Variants in MNAT1 observed in about 807,000 individuals in gnomAD.
MNAT1 encodes the protein MNAT1 component of CDK activating kinase, also known as CDK-activating kinase assembly factor MAT1.
Under a neutral mutation model 42.0 loss-of-function variants are expected in MNAT1, and 43 were observed. The ratio of observed to expected loss-of-function variants is 1.02; its 90% confidence interval spans 0.80 to 1.32. MNAT1 has a LOEUF of 1.32. Ranked by LOEUF, MNAT1 falls within the 40% of genes most tolerant of loss-of-function variation. The probability of loss-of-function intolerance (pLI) is 0.00; values close to 1 mark genes in which losing one functional copy is unlikely to be tolerated. For synonymous variants in MNAT1, 118 were observed against 120.0 expected (o/e 0.98, Z 0.11); for missense variants, 306 against 350.4 (o/e 0.87, Z 1.01).
At chr14:60,735,599 T>C (rs1417562104) in intron 1 of MNAT1, among the ~76,000 whole-genome samples, 6 of 152,202 alleles carry the variant, frequency 3.9e-5, no homozygotes, top group Non-Finnish European at 7.3e-5. Context: ...ATGAAGTAGA[T>C]ACTGGTATTT....
At chr14:60,770,337 T>C (rs1400264473) in intron 1 of MNAT1, among the ~76,000 whole-genome samples, 1 of 152,174 alleles carries the variant, frequency 6.6e-6, no homozygotes, top group Non-Finnish European at 1.5e-5. Context: ...TCAGTGGATA[T>C]TTGGGTTGCT....
At chr14:60,911,962 C>T (rs1168554220) in intron 7 of MNAT1, among the ~76,000 whole-genome samples, 2 of 152,076 alleles carry the variant, frequency 1.3e-5, no homozygotes. Flanking sequence ...GTCTAAGTCT[C>T]TTTCTAGGTC....
chr14:60,923,917 G>C (rs766484302), intron 7 of MNAT1, among the ~76,000 whole-genome samples: 1 of 152,166 alleles, frequency 6.6e-6, no homozygotes, highest in South Asian at 2.1e-4. Flanking sequence ...GGATGACAGA[G>C]CGAGACTGTC....
intron 7 of MNAT1, among the ~76,000 whole-genome samples, chr14:60,894,124 G>C (rs2034901810): frequency 6.6e-6 from 1 of 152,068 alleles, no homozygotes; most frequent in South Asian, 2.1e-4. Flanking sequence ...CATCAGTGTA[G>C]GACCCTAGGT....
intron 7 of MNAT1, among the ~76,000 whole-genome samples, chr14:60,937,752 T>C (rs1366575233): frequency 6.6e-6 from 1 of 152,086 alleles, no homozygotes; most frequent in Non-Finnish European, 1.5e-5. Flanking sequence ...AGTAGTTTTT[T>C]CCAATTCTGT....
At chr14:60,942,497 T>C (rs2036186788) in intron 7 of MNAT1, among the ~76,000 whole-genome samples, 1 of 151,300 alleles carries the variant, frequency 6.6e-6, no homozygotes, top group Non-Finnish European at 1.5e-5. Context: ...AAAATAGTGA[T>C]ATTCATATAG....
chr14:60,898,542 T>G (rs193291911), intron 7 of MNAT1, among the ~76,000 whole-genome samples: 1 of 152,334 alleles, frequency 6.6e-6, no homozygotes, highest in African/African-American at 2.4e-5. Flanking sequence ...CATATACCTG[T>G]TGGCATTTGT....
chr14:60,870,739 A>G (rs2034308537), intron 6 of MNAT1, among the ~76,000 whole-genome samples: 1 of 152,200 alleles, frequency 6.6e-6, no homozygotes, highest in Non-Finnish European at 1.5e-5. Context: ...TAATAGCTTT[A>G]TCAAGATATA....
intron 6 of MNAT1, among the ~76,000 whole-genome samples, chr14:60,855,831 C>T (rs2033945302): frequency 6.6e-6 from 1 of 152,078 alleles, no homozygotes; most frequent in Non-Finnish European, 1.5e-5. Context: ...TTTGATGTTA[C>T]CATTGTAATT....
At chr14:60,811,298 CTTTTTTTTT>C (rs569520885) in intron 4 of MNAT1, among the ~76,000 whole-genome samples, 1 of 80,322 alleles carries the variant, frequency 1.2e-5, no homozygotes, top group Non-Finnish European at 2.5e-5. Context: ...TCTATTCTTT[CTTTTTTTTT>C]TTTTTTTTTT....
At chr14:60,949,704 T>G (rs370835741) in intron 7 of MNAT1, among the ~76,000 whole-genome samples, 2 of 152,144 alleles carry the variant, frequency 1.3e-5, no homozygotes, top group Non-Finnish European at 2.9e-5. Flanking sequence ...GGCTAATCTA[T>G]TAAAGCATTC....
chr14:60,824,670 G>A (rs2032999408), intron 6 of MNAT1, among the ~76,000 whole-genome samples: 1 of 152,120 alleles, frequency 6.6e-6, no homozygotes, highest in Admixed American at 6.5e-5. Flanking sequence ...TTTCTCATTT[G>A]GGAAGATGAG....
At chr14:60,909,477 A>G (rs1365176404) in intron 7 of MNAT1, among the ~76,000 whole-genome samples, 1 of 152,142 alleles carries the variant, frequency 6.6e-6, no homozygotes, top group Non-Finnish European at 1.5e-5. Context: ...TAAGTCTTTA[A>G]TCCATTTTGA....
At chr14:60,957,947 C>T (rs927144854) in intron 7 of MNAT1, among the ~76,000 whole-genome samples, 4 of 152,068 alleles carry the variant, frequency 2.6e-5, no homozygotes, top group Non-Finnish European at 5.9e-5. Context: ...AAGTGATTCT[C>T]CTGCCCCAAC....
At chr14:60,908,901 G>A (rs962541151) in intron 7 of MNAT1, among the ~76,000 whole-genome samples, 16 of 152,158 alleles carry the variant, frequency 1.1e-4, no homozygotes, top group Admixed American at 2.0e-4. Context: ...TCGCCATACC[G>A]ACTTCCACAA....
chr14:60,904,175 G>A (rs4151326), intron 7 of MNAT1, among the ~76,000 whole-genome samples: 68 of 152,216 alleles, frequency 4.5e-4, no homozygotes, highest in African/African-American at 1.6e-3. Flanking sequence ...CCGACCTTAA[G>A]TTTATATGTT....
At chr14:60,871,989 T>G (rs1323222750) in intron 6 of MNAT1, among the ~76,000 whole-genome samples, 1 of 152,190 alleles carries the variant, frequency 6.6e-6, no homozygotes, top group Non-Finnish European at 1.5e-5. Flanking sequence ...CTTGCAAGTA[T>G]TTTCTTCTGG....
At position 60,877,604 on chromosome 14, in the gene MNAT1, G is replaced by C. The variant is rs1403758208; in HGVS notation, c.688-2110G>C. On this transcript the variant is annotated intron_variant, in intron 6 of 7. Transcript: ENST00000261245. ...TGGAGGAATTAATAACTGCAAGAAT[G>C]GTTTATAAAAAGTTATGAAATAGAG... 4.0e-5 allele frequency among the ~76,000 whole-genome samples: 6 copies of C among 151,866 alleles called. No homozygotes were observed. The East Asian group carries it at 1.2e-3, about 29-fold the overall frequency.
intron 1 of MNAT1, among the ~76,000 whole-genome samples, chr14:60,758,609 C>G (rs1450795561): frequency 6.6e-6 from 1 of 152,004 alleles, no homozygotes; most frequent in Admixed American, 6.5e-5. Context: ...AAAAAAAACC[C>G]CCAAATTCAG....
Sources: allele counts gnomAD v4.1 joint callset (sites outside exome capture counted in the v4.1 genomes callset), GRCh38; gene constraint gnomAD v4.1.1; transcripts MANE v1.5; gene names NCBI Gene and HGNC (gene_info 2026-07-23, HGNC 2026-07-21).